FAM13A: variants seen among roughly 807,000 people sequenced by gnomAD.
FAM13A encodes the protein family with sequence similarity 13 member A.
A neutral mutation model predicts 129.6 loss-of-function variants in FAM13A; 76 were observed. That is an observed-to-expected ratio of 0.59 (90% CI 0.49 to 0.71). The LOEUF is 0.71. Ranked by LOEUF, FAM13A falls within the 30% of genes least tolerant of loss-of-function variation. The pLI, the probability that FAM13A is intolerant of heterozygous loss-of-function variation, is 0.00. For synonymous variants in FAM13A, 443 were observed against 449.9 expected, an observed-to-expected ratio of 0.98 and a Z score of 0.20; for missense variants, 1,108 against 1,249.3, an observed-to-expected ratio of 0.89 and a Z score of 1.70.
At chr4:88,898,082 C>T (rs766701964) in intron 6 of FAM13A, among the ~76,000 whole-genome samples, 20 of 152,072 alleles carry the variant, frequency 1.3e-4, no homozygotes, top group Non-Finnish European at 2.5e-4. Flanking sequence ...TGATTCTTTA[C>T]ATAAATAACA....
chr4:88,790,558 G>C, intron 9 of FAM13A, 28 bp downstream of exon 9: 1 of 1,403,494 alleles, frequency 7.1e-7, no homozygotes, highest in Non-Finnish European at 9.5e-7. Context: ...AAAACCCAAA[G>C]CCCAAAAACC....
At chr4:88,905,280 C>G (rs1434481018) in intron 6 of FAM13A, among the ~76,000 whole-genome samples, 1 of 152,130 alleles carries the variant, frequency 6.6e-6, no homozygotes, top group East Asian at 1.9e-4. Flanking sequence ...TTACAGGAGC[C>G]CGCCACCCAA....
At chr4:88,772,726 T>C (rs147288219) in intron 11 of FAM13A, among the ~76,000 whole-genome samples, 318 of 152,282 alleles carry the variant, frequency 2.1e-3, no homozygotes, top group African/African-American at 7.1e-3. Context: ...TAGCTTACAA[T>C]TGGGTAAAAT....
At position 88,732,022 on chromosome 4, in the gene FAM13A, T is replaced by G. The variant is rs760014083; in HGVS notation, c.2823A>C (p.Ser941=). The G allele has an allele frequency of 7.4e-6, 12 of 1,611,884 alleles. No individual in the cohort carries two copies. In the South Asian group the frequency reaches 8.8e-5, roughly 12 times the overall value. ...CATACATTGAGGCAGCATGGAGATT[T>G]GAAAGCCCTGTGTCCTGGCTGCATT... ...PSKCSQDTGL[S]NLHAASIPEL... Residue 941 remains serine, a synonymous_variant, in exon 22 of 24, where the codon TCA becomes TCC. Coordinates refer to ENST00000264344, the MANE Select transcript of FAM13A (RefSeq NM_014883.4).
At chr4:89,056,082 G>T (rs1190662262) in intron 1 of FAM13A, among the ~76,000 whole-genome samples, 1 of 152,126 alleles carries the variant, frequency 6.6e-6, no homozygotes, top group Non-Finnish European at 1.5e-5. Context: ...TAATAAGGAA[G>T]AAGATATTTC....
At chr4:88,910,440 T>G (rs1375093161) in intron 5 of FAM13A, among the ~76,000 whole-genome samples, 3 of 152,108 alleles carry the variant, frequency 2.0e-5, no homozygotes, top group African/African-American at 7.2e-5. Context: ...CCTTGCACAC[T>G]ACTTCCACAG....
chr4:89,010,112 C>CT (rs1363710206), intron 3 of FAM13A, among the ~76,000 whole-genome samples: 3 of 152,110 alleles, frequency 2.0e-5, no homozygotes, highest in Non-Finnish European at 2.9e-5. Context: ...AAATAAGAGT[C>CT]TTTTTCTAGG....
At chr4:89,011,668 C>T (rs1765752531) in intron 3 of FAM13A, among the ~76,000 whole-genome samples, 1 of 152,202 alleles carries the variant, frequency 6.6e-6, no homozygotes, top group African/African-American at 2.4e-5. Flanking sequence ...CTTCTAGCTA[C>T]AGATAGCTCT....
At chr4:88,837,358 A>G (rs1408175440) in intron 7 of FAM13A, among the ~76,000 whole-genome samples, 2 of 152,094 alleles carry the variant, frequency 1.3e-5, no homozygotes, top group Non-Finnish European at 2.9e-5. Context: ...AGTTATATCT[A>G]TATGTCAATA....
At chr4:88,996,918 A>C (rs1249584735) in intron 3 of FAM13A, among the ~76,000 whole-genome samples, 3 of 152,234 alleles carry the variant, frequency 2.0e-5, no homozygotes, top group Admixed American at 2.0e-4. Context: ...ACAAACTAGC[A>C]TAGGAATACA....
chr4:88,727,449 G>T lies in FAM13A; in HGVS notation c.*1084C>A, dbSNP rs1255199064. 1 of 152,426 alleles carries T rather than the reference G, an allele frequency of 6.6e-6. No individual in the cohort carries two copies. The highest frequency in any genetic ancestry group is 1.5e-5 in the Non-Finnish European group (1 of 68,004). The allele number at this position is 152,426 out of a possible 1,614,324, so 9.4% of individuals were successfully genotyped here. On this transcript the variant is annotated 3_prime_UTR_variant, in exon 24 of 24. Transcript: ENST00000264344. ...ACTTCTTTTTTTTCTTTTTATACAT[G>T]ATCTCGAAAATAGTGTGATTTAGAT...
intron 6 of FAM13A, among the ~76,000 whole-genome samples, chr4:88,851,696 C>T (rs1039215280): frequency 4.6e-5 from 7 of 152,100 alleles, no homozygotes; most frequent in African/African-American, 1.7e-4. Flanking sequence ...TTTTGTAGGG[C>T]AAAGTAAGAT....
At chr4:89,024,211 A>G (rs1012746865) in intron 2 of FAM13A, among the ~76,000 whole-genome samples, 3 of 152,172 alleles carry the variant, frequency 2.0e-5, no homozygotes, top group Non-Finnish European at 4.4e-5. Flanking sequence ...CTAACAGCAC[A>G]CTTTGGCCAG....
chr4:88,883,235 C>T (rs553501795), intron 6 of FAM13A, among the ~76,000 whole-genome samples: 1 of 152,142 alleles, frequency 6.6e-6, no homozygotes, highest in South Asian at 2.1e-4. Flanking sequence ...ACACATGGAA[C>T]ATTCTCCAAG....
intron 4 of FAM13A, among the ~76,000 whole-genome samples, chr4:88,972,137 C>T (rs1021467789): frequency 3.9e-5 from 6 of 152,032 alleles, no homozygotes; most frequent in Admixed American, 2.6e-4. Context: ...TACCCTAACT[C>T]ATTCCTTCTG....
chr4:88,755,563 G>A (rs943245124), intron 14 of FAM13A, among the ~76,000 whole-genome samples: 2 of 152,166 alleles, frequency 1.3e-5, no homozygotes, highest in African/African-American at 4.8e-5. Context: ...TGCCCACAAG[G>A]ATATAAAACT....
chr4:88,845,338 T>C lies in FAM13A; in HGVS notation c.1007+5682A>G, dbSNP rs550506306. On this transcript the variant is annotated intron_variant, in intron 7 of 23. Transcript: ENST00000264344. ...TTTAAGGTACATCCTGAAGTGGAGATTGTCTGGCAGCCACTGGAGAACTAG... is the reference window on the plus strand; with the variant it reads ...TTTAAGGTACATCCTGAAGTGGAGACTGTCTGGCAGCCACTGGAGAACTAG... Among the ~76,000 whole-genome samples, 8 of 152,126 alleles carry C rather than the reference T, an allele frequency of 5.3e-5. No homozygotes were observed. The South Asian group carries it at 1.7e-3, about 32-fold the overall frequency.
At position 88,967,204 on chromosome 4, in the gene FAM13A, T is replaced by C. The variant is rs578089353; in HGVS notation, c.605+23769A>G. Among the ~76,000 whole-genome samples, 7 of 152,342 alleles carry C rather than the reference T, an allele frequency of 4.6e-5. No individual in the cohort carries two copies. In the South Asian group the frequency reaches 1.4e-3, roughly 32 times the overall value. ...CTGTGATTATTATAATGATTATTTA[T>C]TTGTATAGTGTTTCTGTGTGTTTTC... On this transcript the variant is annotated intron_variant, in intron 4 of 23. Transcript: ENST00000264344.
intron 6 of FAM13A, among the ~76,000 whole-genome samples, chr4:88,874,695 T>G (rs994431606): frequency 6.6e-6 from 1 of 152,076 alleles, no homozygotes; most frequent in African/African-American, 2.4e-5. Flanking sequence ...GAATCAATAT[T>G]GTGAAAATGG....
Sources: allele counts gnomAD v4.1 joint callset (sites outside exome capture counted in the v4.1 genomes callset), GRCh38; gene constraint gnomAD v4.1.1; transcripts MANE v1.5; gene names NCBI Gene and HGNC (gene_info 2026-07-23, HGNC 2026-07-21).